SELENOT: variants seen among roughly 807,000 people sequenced by gnomAD.
The protein encoded by SELENOT is thioredoxin reductase-like selenoprotein T.
SELENOT carries 9 observed loss-of-function variants against 24.3 expected under a neutral mutation model. The ratio of observed to expected loss-of-function variants is 0.37; its 90% CI spans 0.22 to 0.65. The LOEUF (loss-of-function observed/expected upper bound fraction) is 0.65. Among genes scored for constraint, SELENOT ranks in the 30% least tolerant of loss-of-function variants. The probability of loss-of-function intolerance (pLI) is 0.60; values close to 1 mark genes in which losing one functional copy is unlikely to be tolerated. For synonymous variants in SELENOT, 81 were observed against 86.0 expected (o/e 0.94, Z 0.32); for missense variants, 166 against 247.6 (o/e 0.67, Z 2.21).
At chr3:150,607,639 C>T (rs548105029) in intron 1 of SELENOT, among the ~76,000 whole-genome samples, 117 of 152,236 alleles carry the variant, frequency 7.7e-4, no homozygotes, top group Middle Eastern at 3.4e-3. Context: ...GATGCCTAGT[C>T]GGGATCAGGG....
intron 1 of SELENOT, among the ~76,000 whole-genome samples, chr3:150,620,749 G>A (rs1415092446): frequency 1.3e-5 from 2 of 152,174 alleles, no homozygotes; most frequent in East Asian, 1.9e-4. Context: ...GTAAACACCA[G>A]TGCAAACTTG....
intron 1 of SELENOT, chr3:150,611,382 C>T (rs1030778450): frequency 1.6e-6 from 2 of 1,221,632 alleles, no homozygotes; most frequent in African/African-American, 1.5e-5. Flanking sequence ...AACCAACTAT[C>T]TCAACAAGTT....
intron 1 of SELENOT, among the ~76,000 whole-genome samples, chr3:150,605,155 A>C (rs2108003134): frequency 6.6e-6 from 1 of 152,168 alleles, no homozygotes; most frequent in South Asian, 2.1e-4. Flanking sequence ...CTTAATTTTT[A>C]AATTAGAAGG....
intron 1 of SELENOT, among the ~76,000 whole-genome samples, chr3:150,618,345 A>G (rs1726264374): frequency 6.6e-6 from 1 of 152,264 alleles, no homozygotes; most frequent in Non-Finnish European, 1.5e-5. Context: ...TTGTGAAAAT[A>G]GAAAACCACA....
chr3:150,616,722 G>A (rs1726225710), intron 1 of SELENOT, among the ~76,000 whole-genome samples: 1 of 152,234 alleles, frequency 6.6e-6, no homozygotes, highest in Non-Finnish European at 1.5e-5. Flanking sequence ...AATAAAGTGG[G>A]CCTGTGTCAA....
intron 1 of SELENOT, among the ~76,000 whole-genome samples, chr3:150,604,272 T>C (rs188682266): frequency 6.6e-6 from 1 of 152,372 alleles, no homozygotes; most frequent in Non-Finnish European, 1.5e-5. Flanking sequence ...GACAGTGTTC[T>C]TTAAATGATT....
At chr3:150,617,647 T>A (rs1036840701) in intron 1 of SELENOT, among the ~76,000 whole-genome samples, 6 of 152,192 alleles carry the variant, frequency 3.9e-5, no homozygotes, top group Non-Finnish European at 7.3e-5. Context: ...TTTGTGTGTA[T>A]TTCTACACTG....
chr3:150,607,410 G>T (rs1177718943), intron 1 of SELENOT, among the ~76,000 whole-genome samples: 2 of 152,242 alleles, frequency 1.3e-5, no homozygotes, highest in African/African-American at 2.4e-5. Context: ...GAGTTACAGA[G>T]ATCATGTTGG....
At chr3:150,620,219 T>A (rs1262953634) in intron 1 of SELENOT, among the ~76,000 whole-genome samples, 2 of 152,204 alleles carry the variant, frequency 1.3e-5, no homozygotes, top group African/African-American at 4.8e-5. Context: ...AGGGTTTCCC[T>A]TAAGGGACTT....
intron 2 of SELENOT, 119 bp from the exon 3 acceptor site, chr3:150,622,924 T>C: frequency 1.1e-6 from 1 of 909,664 alleles, no homozygotes; most frequent in Non-Finnish European, 1.5e-6. Context: ...AATTGCTTTT[T>C]CTATAAGTAA....
intron 1 of SELENOT, among the ~76,000 whole-genome samples, chr3:150,616,305 C>G (rs1351228244): frequency 7.2e-6 from 1 of 139,400 alleles, no homozygotes; most frequent in Admixed American, 7.3e-5. Flanking sequence ...GACTTCATGT[C>G]TAAAACACCA....
chr3:150,624,553 CTT>C (rs758443784), intron 3 of SELENOT, among the ~76,000 whole-genome samples: 3 of 152,150 alleles, frequency 2.0e-5, no homozygotes, highest in Non-Finnish European at 4.4e-5. Context: ...AAAGTGAACT[CTT>C]ATGCTTGTAT....
At chr3:150,622,691 G>A (rs376137637) in intron 2 of SELENOT, among the ~76,000 whole-genome samples, 196 bp downstream of exon 2, 6 of 152,024 alleles carry the variant, frequency 3.9e-5, no homozygotes, top group African/African-American at 7.2e-5. Flanking sequence ...GAAGAGGGTC[G>A]TTTCAGAGAT....
intron 1 of SELENOT, among the ~76,000 whole-genome samples, chr3:150,607,457 T>C (rs1725991097): frequency 6.6e-6 from 1 of 152,230 alleles, no homozygotes; most frequent in Non-Finnish European, 1.5e-5. Context: ...TCAACAGATA[T>C]TGGAGCACTT....
chr3:150,603,424 C>A lies in SELENOT; in HGVS notation c.62C>A (p.Ala21Asp). 2 of 1,613,384 alleles carry A rather than the reference C, an allele frequency of 1.2e-6. No homozygotes were observed. The highest frequency in any genetic ancestry group is 1.7e-6 in the Non-Finnish European group (2 of 1,179,504). ...GCGATGGTCCGGAGCGAGGCCTCGG[C>A]CAATCTGGGCGGCGTGCCCAGCAAG... ...ASAMVRSEASANLGGVPSKRL... is the reference protein window; with the variant it reads ...ASAMVRSEASDNLGGVPSKRL... Residue 21 changes from alanine (A) to aspartate (D), a missense_variant, in exon 1 of 6, where the codon GCC becomes GAC. Around this residue, in one of 5 missense-constraint regions of SELENOT, gnomAD observed 46 missense variants for 49.3 expected, o/e 0.93. Coordinates refer to ENST00000471696, the MANE Select transcript of SELENOT (RefSeq NM_016275.5).
At chr3:150,621,614 CTTTTTTTTTTTTT>C (rs35489270) in intron 1 of SELENOT, among the ~76,000 whole-genome samples, 5 of 80,578 alleles carry the variant, frequency 6.2e-5, no homozygotes, top group Non-Finnish European at 1.1e-4. Context: ...GGCATATTTC[CTTTTTTTTTTTTT>C]TTTTTTTTTG....
intron 1 of SELENOT, among the ~76,000 whole-genome samples, chr3:150,613,206 C>T (rs1726134250): frequency 6.6e-6 from 1 of 152,102 alleles, no homozygotes; most frequent in Non-Finnish European, 1.5e-5. Context: ...TTGGTGAGGG[C>T]CTTCTTGCTG....
intron 1 of SELENOT, among the ~76,000 whole-genome samples, chr3:150,615,780 T>G (rs1372049761): frequency 1.3e-5 from 2 of 152,014 alleles, no homozygotes; most frequent in Admixed American, 6.6e-5. Context: ...CTGCCCAAGG[T>G]AATTTACAGA....
In SELENOT at chr3:150,629,049, A is replaced by G. The variant is rs921601827; in HGVS notation, c.*1420A>G. 2 of 152,208 alleles carry G rather than the reference A, an allele frequency of 1.3e-5. No homozygotes were observed. Among genetic ancestry groups the G allele is most frequent in the African/African-American group, 2.4e-5 (1 of 41,458 alleles). The allele number at this position is 152,208 out of a possible 1,614,324, so 9.4% of individuals were successfully genotyped here. A position where few individuals can be genotyped will look rare whatever the true frequency, so the allele number is the denominator to read the frequency against. On this transcript the variant is annotated 3_prime_UTR_variant, in exon 6 of 6. Transcript: ENST00000471696. ...CCTTTGAGTGTCATGTTGGCACTCA[A>G]AAAGGTTCAACATTGAGTCCACTTA...
Sources: gnomAD v4.1 joint callset for allele counts (sites outside exome capture counted in the v4.1 genomes callset) on GRCh38, gnomAD v4.1.1 for gene constraint, gnomAD v4.1.1 regional missense constraint, MANE v1.5 for transcripts, NCBI Gene and HGNC (gene_info 2026-07-23, HGNC 2026-07-21) for gene names.